INTS2: variants seen among roughly 807,000 people sequenced by gnomAD.
The protein encoded by INTS2 is integrator complex subunit 2, also known as KIAA1287.
Under a neutral mutation model 139.6 loss-of-function variants are expected in INTS2, and 57 were observed. That is an observed-to-expected ratio of 0.41 (90% confidence interval 0.33 to 0.51). The LOEUF (loss-of-function observed/expected upper bound fraction) is 0.51. Ranked by LOEUF, INTS2 falls within the 20% of genes least tolerant of loss-of-function variation. The probability of loss-of-function intolerance (pLI) is 0.28; values close to 1 mark genes in which losing one functional copy is unlikely to be tolerated. For missense variants in INTS2, 1,196 were observed against 1,436.7 expected, an observed-to-expected ratio of 0.83 and a Z score of 2.71; for synonymous variants, 473 against 493.4, an observed-to-expected ratio of 0.96 and a Z score of 0.55.
chr17:61,894,686 T>C (rs2079329433), intron 12 of INTS2, among the ~76,000 whole-genome samples: 1 of 152,084 alleles, frequency 6.6e-6, no homozygotes, highest in Non-Finnish European at 1.5e-5. Flanking sequence ...ACCCCATCTC[T>C]ACTAAAAATA....
chr17:61,926,731 A>T lies in INTS2; in HGVS notation c.-18-69T>A, dbSNP rs2079719408. The T allele has an allele frequency of 5.5e-6, 7 of 1,266,086 alleles. No individual in the cohort carries two copies. The East Asian group carries it at 1.8e-4, about 32-fold the overall frequency. 78.4% of individuals were successfully genotyped at this position (1,266,086 alleles called of 1,614,324 possible). A position where few individuals can be genotyped will look rare whatever the true frequency, so the allele number is the denominator to read the frequency against. On this transcript the variant is annotated intron_variant, in intron 1 of 24. Transcript: ENST00000251334. ...ATGTATGAACACCCAACTTTCTAAA[A>T]ACCCTGAAAAATGTGGTGTATCTTT...
chr17:61,894,052 T>C (rs964703109), intron 12 of INTS2, 153 bp from the exon 13 acceptor site: 1 of 469,632 alleles, frequency 2.1e-6, no homozygotes. Flanking sequence ...TAATTGTCTT[T>C]GAATGCTGAG....
Position 61,891,518 on chromosome 17 carries a change from T to C in INTS2, c.1870A>G (p.Ile624Val). 5 of 1,611,534 alleles carry C rather than the reference T, an allele frequency of 3.1e-6. No homozygotes were observed. Among genetic ancestry groups the C allele is most frequent in the Non-Finnish European group, 4.2e-6 (5 of 1,178,234 alleles). The change falls in exon 14 of 25, where the codon ATT becomes GTT. Residue 624 changes from isoleucine (I) to valine (V), a missense_variant. Ile to Val is a conservative substitution (Grantham distance 29). Coordinates refer to ENST00000251334, the MANE Select transcript of INTS2 (RefSeq NM_001351695.2). Reference sequence around the variant, plus strand: ...TAAAAGAACCACTATTTTACCCCAATGACTCCTTGGAAAATATTGAGTATC... The same window carrying C: ...TAAAAGAACCACTATTTTACCCCAACGACTCCTTGGAAAATATTGAGTATC... ...QEILNIFQGV[I>V]GGDNIRLNQR...
chr17:61,884,409 C>T (rs2079206208), intron 16 of INTS2, among the ~76,000 whole-genome samples: 1 of 152,048 alleles, frequency 6.6e-6, no homozygotes, highest in African/African-American at 2.4e-5. Flanking sequence ...ATGAGAATCA[C>T]TTGAACCCAG....
rs769614363 is a variant in INTS2 at position 61,870,006 on chromosome 17, A to G, written c.2779-18T>C. On this transcript the variant is annotated intron_variant, in intron 20 of 24. Coordinates refer to ENST00000251334, the MANE Select transcript of INTS2 (RefSeq NM_001351695.2). This position sits in a 1 kb window ranked among gnomAD's most constrained non-coding sequence, Gnocchi z 4.4. ...GCACTATCCTATAAGCAAACAAAAC[A>G]TAGAAAAAGTAAGAAGTTTCTAAGA... The G allele has an allele frequency of 1.1e-5, 18 of 1,582,538 alleles. No homozygotes were observed. Among genetic ancestry groups the G allele is most frequent in the East Asian group, 2.2e-5 (1 of 44,458 alleles).
chr17:61,888,240 T>A (rs2079249613), intron 15 of INTS2, among the ~76,000 whole-genome samples: 1 of 151,556 alleles, frequency 6.6e-6, no homozygotes, highest in Non-Finnish European at 1.5e-5. Flanking sequence ...CATGGTGGTG[T>A]CCACCTGTGG....
At position 61,868,383 on chromosome 17, in the gene INTS2, G is replaced by A. The variant is rs1461382184; in HGVS notation, c.3245-374C>T. On this transcript the variant is annotated intron_variant, in intron 23 of 24. Coordinates refer to ENST00000251334, the MANE Select transcript of INTS2 (RefSeq NM_001351695.2). This position sits in a 1 kb window ranked among gnomAD's most constrained non-coding sequence, Gnocchi z 4.7. ...GTGGGGCTGAGATTGAATTCAGGCA[G>A]TGTAAACTCTTAATCACTACAAATA... 6.6e-6 allele frequency among the ~76,000 whole-genome samples: 1 copy of A among 152,062 alleles called. No individual in the cohort carries two copies. Among genetic ancestry groups the A allele is most frequent in the African/African-American group, 2.4e-5 (1 of 41,424 alleles).
intron 8 of INTS2, among the ~76,000 whole-genome samples, chr17:61,906,266 C>A (rs998466439): frequency 6.6e-6 from 1 of 152,272 alleles, no homozygotes; most frequent in African/African-American, 2.4e-5. Context: ...GATGCTAAAT[C>A]GGTAAATATA....
intron 5 of INTS2, among the ~76,000 whole-genome samples, chr17:61,912,531 G>T (rs1360281736): frequency 6.6e-6 from 1 of 152,000 alleles, no homozygotes; most frequent in Non-Finnish European, 1.5e-5. Flanking sequence ...GCTGAGGCAG[G>T]AGAATCGCTT....
At chr17:61,921,469 T>C (rs1207804155) in intron 4 of INTS2, 1 of 259,426 alleles carries the variant, frequency 3.9e-6, no homozygotes, top group African/African-American at 2.2e-5. Context: ...ATTGTAAACA[T>C]TTTCCAAAAT....
At chr17:61,918,929 T>G (rs909923391) in intron 5 of INTS2, among the ~76,000 whole-genome samples, 2 of 150,504 alleles carry the variant, frequency 1.3e-5, no homozygotes, top group East Asian at 1.9e-4. Flanking sequence ...TGGGGTTTTT[T>G]TTTTTTTTTT....
Position 61,872,313 on chromosome 17 carries a change from A to G in INTS2, c.2730T>C (p.Ala910=). Residue 910 remains alanine, a synonymous_variant, in exon 20 of 25, where the codon GCT becomes GCC. Coordinates refer to ENST00000251334, the MANE Select transcript of INTS2 (RefSeq NM_001351695.2). This position sits in a 1 kb window ranked among gnomAD's most constrained non-coding sequence, Gnocchi z 4.8. ...TCAATTCTTCCCTGGTAACTTCCGGAGCATCAGTTTGTCCAACTAAACCAA... is the reference window on the plus strand; with the variant it reads ...TCAATTCTTCCCTGGTAACTTCCGGGGCATCAGTTTGTCCAACTAAACCAA... ...NTIGLVGQTD[A]PEVTREELKN... is the part of the protein sequence containing the mutation. 5 of 1,613,254 alleles carry G rather than the reference A, an allele frequency of 3.1e-6. No homozygotes were observed. The highest frequency in any genetic ancestry group is 4.2e-6 in the Non-Finnish European group (5 of 1,179,406).
rs1331667958 is a variant in INTS2 at position 61,893,090 on chromosome 17, G to C, written c.1698+675C>G. Among the ~76,000 whole-genome samples, 4 of 151,194 alleles carry C rather than the reference G, an allele frequency of 2.6e-5. No individual in the cohort carries two copies. The highest frequency in any genetic ancestry group is 2.4e-5 in the African/African-American group (1 of 41,116). On this transcript the variant is annotated intron_variant, in intron 13 of 24. Transcript: ENST00000251334. The surrounding 1 kb of genome is among the most constrained non-coding windows in gnomAD (Gnocchi z 5.4). Reference sequence around the variant, plus strand: ...GTGAGCTATGACAGCCTGGGCGACAGAGTGAGACCCTGTCTTTAAAATTAA... The same window carrying C: ...GTGAGCTATGACAGCCTGGGCGACACAGTGAGACCCTGTCTTTAAAATTAA...
rs906692209 is a variant in INTS2, at chr17:61,926,343, T to C, written c.293+9A>G. On this transcript the variant is annotated intron_variant, in intron 2 of 24. Coordinates refer to ENST00000251334, the MANE Select transcript of INTS2 (RefSeq NM_001351695.2). ...ATCCAAATCCACATATAATATAACA[T>C]AACATTACCTAAGCTGCTGTTCTTT... 6 of 1,573,852 alleles carry C rather than the reference T, an allele frequency of 3.8e-6. No individual in the cohort carries two copies. The highest frequency in any genetic ancestry group is 1.7e-4 in the Middle Eastern group (1 of 5,874).
Position 61,922,511 on chromosome 17 carries a change from C to CATATATATATATATATATATAT in INTS2, c.433-706_433-685dup, listed in dbSNP as rs60100593. ...AAAAAGAAAAAAGAAAACAAACAAACATATATATATATATATATATATATA... is the reference window on the plus strand; with the variant it reads ...AAAAAGAAAAAAGAAAACAAACAAACATATATATATATATATATATATATATATATATATATATATATATATA... On this transcript the variant is annotated intron_variant, in intron 3 of 24. Transcript: ENST00000251334. Among the ~76,000 whole-genome samples, 22 of 73,204 alleles carry CATATATATATATATATATATAT rather than the reference C, an allele frequency of 3.0e-4. 1 individual carries two copies. The highest frequency in any genetic ancestry group is 1.8e-3 in the East Asian group (3 of 1,714). 48.0% of individuals were successfully genotyped at this position (73,204 alleles called of 152,430 possible). A position where few individuals can be genotyped will look rare whatever the true frequency, so the allele number is the denominator to read the frequency against.
intron 3 of INTS2, among the ~76,000 whole-genome samples, chr17:61,924,164 T>C (rs1286084573): frequency 6.6e-6 from 1 of 152,202 alleles, no homozygotes; most frequent in Non-Finnish European, 1.5e-5. Flanking sequence ...GCATTGATAC[T>C]CCCCTCTGCT....
rs1479258891 is a variant in INTS2, at chr17:61,893,652, A to G, written c.1698+113T>C. Reference sequence around the variant, plus strand: ...AGAGGTTACAGTGAGCCAAGACTGCACCACTGCACTCCAACCTGGGTGACT... The same window carrying G: ...AGAGGTTACAGTGAGCCAAGACTGCGCCACTGCACTCCAACCTGGGTGACT... On this transcript the variant is annotated intron_variant, in intron 13 of 24. Transcript: ENST00000251334. This position sits in a 1 kb window ranked among gnomAD's most constrained non-coding sequence, Gnocchi z 5.4. The G allele has an allele frequency of 5.9e-6, 4 of 680,916 alleles. No individual in the cohort carries two copies. Among genetic ancestry groups the G allele is most frequent in the Non-Finnish European group, 8.4e-6 (4 of 477,176 alleles). 42.2% of individuals were successfully genotyped at this position (680,916 alleles called of 1,614,324 possible).
chr17:61,874,089 G>A (rs2145903778), intron 19 of INTS2: 1 of 152,000 alleles, frequency 6.6e-6, no homozygotes, highest in South Asian at 2.1e-4. Context: ...CTTTTTTTAA[G>A]TTTAAATAAA....
At chr17:61,903,347 C>A (rs1331962399) in intron 9 of INTS2, among the ~76,000 whole-genome samples, 1 of 151,038 alleles carries the variant, frequency 6.6e-6, no homozygotes, top group Non-Finnish European at 1.5e-5. Flanking sequence ...TGAGCCACCA[C>A]GCCTGGGTAA....
Sources: gnomAD v4.1 joint callset for allele counts (sites outside exome capture counted in the v4.1 genomes callset) on GRCh38, gnomAD v4.1.1 for gene constraint, Gnocchi (gnomAD v3.1) non-coding constraint, MANE v1.5 for transcripts, NCBI Gene and HGNC (gene_info 2026-07-23, HGNC 2026-07-21) for gene names.